AIFM1: variants seen among roughly 807,000 people sequenced by gnomAD.
AIFM1 encodes apoptosis inducing factor mitochondria associated 1, also known as apoptosis-inducing factor 1, mitochondrial.
Under a neutral mutation model 51.7 loss-of-function variants are expected in AIFM1, and 3 were observed. The ratio of observed to expected loss-of-function variants is 0.06; its 90% CI spans 0.03 to 0.15. The LOEUF (loss-of-function observed/expected upper bound fraction) is 0.15, where lower values mean the gene tolerates loss of function less well. Among genes scored for constraint, AIFM1 ranks in the 10% least tolerant of loss-of-function variants. The pLI is 1.00. For missense variants in AIFM1, 330 were observed against 476.8 expected, an observed-to-expected ratio of 0.69 and a Z score of 2.87; for synonymous variants, 178 against 179.4, an observed-to-expected ratio of 0.99 and a Z score of 0.06.
intron 1 of AIFM1, 97 bp from the exon 2 acceptor site, chrX:130,156,700 C>T: frequency 1.1e-6 from 1 of 938,385 alleles, no homozygotes; most frequent in Non-Finnish European, 1.5e-6. Context: ...AGACTTATTG[C>T]CCACAGATAT....
At chrX:130,137,537 C>T (rs2030397431) in intron 9 of AIFM1, 2 of 1,164,166 alleles carry the variant, frequency 1.7e-6, no homozygotes, top group Admixed American at 5.3e-5. Flanking sequence ...TGAAAAAGAA[C>T]ATTAAGAAAA....
At chrX:130,164,311 C>T (rs1204168119) in intron 1 of AIFM1, among the ~76,000 whole-genome samples, 1 of 112,533 alleles carries the variant, frequency 8.9e-6, no homozygotes, top group Non-Finnish European at 1.9e-5. Flanking sequence ...TTTTAAGTTC[C>T]AAGAGCAGTA....
intron 2 of AIFM1, among the ~76,000 whole-genome samples, chrX:130,153,847 T>A (rs1373589929): frequency 7.1e-5 from 8 of 112,053 alleles, no homozygotes; most frequent in Non-Finnish European, 1.9e-5. Context: ...TTCAGAACTA[T>A]GAGAAAATAA....
In AIFM1 at chrX:130,165,825, A is replaced by G. The variant is rs2031516719; in HGVS notation, c.-169T>C. ...TTGGACAGAGAAGCCGGCCTGCTAG[A>G]GCCGGGGAAGGGGAACGGCGACCGG... On this transcript the variant is annotated 5_prime_UTR_variant, in exon 1 of 16. Coordinates refer to ENST00000287295, the MANE Select transcript of AIFM1 (RefSeq NM_004208.4). The G allele has an allele frequency of 2.0e-6, 1 of 512,515 alleles. No homozygotes were observed. Among genetic ancestry groups the G allele is most frequent in the Admixed American group, 2.7e-5 (1 of 36,675 alleles). The allele number at this position is 512,515 out of a possible 1,213,427, so 42.2% of individuals were successfully genotyped here.
At chrX:130,145,804 ATC>A (rs2030730415) in intron 5 of AIFM1, among the ~76,000 whole-genome samples, 1 of 111,870 alleles carries the variant, frequency 8.9e-6, no homozygotes, top group African/African-American at 3.2e-5. Flanking sequence ...TCCAGAGACA[ATC>A]TGGGTTGTAA....
rs150821143 is a variant in AIFM1 at position 130,130,096 on chromosome X, C to T, written c.1644G>A (p.Pro548=). The T allele has an allele frequency of 2.4e-4, 285 of 1,209,955 alleles. No individual in the cohort carries two copies. Among genetic ancestry groups the T allele is most frequent in the Non-Finnish European group, 2.9e-4 (262 of 895,240 alleles). The change falls in exon 15 of 16, where the codon CCG becomes CCA. Residue 548 remains proline (P), a synonymous_variant. Transcript: ENST00000287295. Reference sequence around the variant, plus strand: ...CCTGGACGGGAGCCTGTGGAACTGCCGGGGTGCTGGGAGGAATAGTAATTT... The same window carrying T: ...CCTGGACGGGAGCCTGTGGAACTGCTGGGGTGCTGGGAGGAATAGTAATTT... The part of the protein sequence containing the change: ...ASEITIPPST[P]AVPQAPVQGE...
intron 1 of AIFM1, among the ~76,000 whole-genome samples, chrX:130,163,877 C>T (rs1022301146): frequency 1.5e-4 from 16 of 110,132 alleles, no homozygotes; most frequent in Admixed American, 1.9e-4. Context: ...AGGTTATCGC[C>T]GGGCGCGGTG....
chrX:130,159,310 GTTC>G (rs1265999990), intron 1 of AIFM1, among the ~76,000 whole-genome samples: 2 of 112,225 alleles, frequency 1.8e-5, no homozygotes, highest in Admixed American at 9.4e-5. Flanking sequence ...TTTCTTTACT[GTTC>G]TTCTTACCTG....
At chrX:130,141,114 T>TC (rs1392800523) in intron 6 of AIFM1, among the ~76,000 whole-genome samples, 3 of 111,071 alleles carry the variant, frequency 2.7e-5, no homozygotes, top group Non-Finnish European at 5.7e-5. Flanking sequence ...AGATTCTGTC[T>TC]CAAAAACAAA....
intron 1 of AIFM1, among the ~76,000 whole-genome samples, chrX:130,158,121 G>T (rs775038598): frequency 9.9e-6 from 1 of 100,873 alleles, no homozygotes; most frequent in Admixed American, 1.1e-4. Flanking sequence ...AAAATTAGCC[G>T]GGCGTGGTGG....
intron 12 of AIFM1, 116 bp downstream of exon 12, chrX:130,135,929 C>T: frequency 9.8e-7 from 1 of 1,015,912 alleles, no homozygotes; most frequent in South Asian, 1.9e-5. Flanking sequence ...CCTCAGCCTC[C>T]AAACACTCTG....
rs1265921984 is a variant in AIFM1 at position 130,140,516 on chromosome X, T to C, written c.781+17A>G. 1 of 1,187,554 alleles carries C rather than the reference T, an allele frequency of 8.4e-7. No homozygotes were observed. The highest frequency in any genetic ancestry group is 1.1e-6 in the Non-Finnish European group (1 of 873,646). On this transcript the variant is annotated intron_variant, in intron 7 of 15. Coordinates refer to ENST00000287295, the MANE Select transcript of AIFM1 (RefSeq NM_004208.4). The stretch of plus-strand genomic sequence containing the variant: ...TGAGCTGTATCAGGGAAGAAAGCCA[T>C]CTCCAGAAATGCTCACCTGTTGCAA...
chrX:130,130,775 T>C (rs184987162), intron 14 of AIFM1, among the ~76,000 whole-genome samples: 14 of 111,772 alleles, frequency 1.3e-4, no homozygotes, highest in East Asian at 1.1e-3. Flanking sequence ...GGAAAAACCA[T>C]AGTGGAGGCA....
intron 14 of AIFM1, among the ~76,000 whole-genome samples, chrX:130,130,713 G>A (rs1428895439): frequency 8.9e-6 from 1 of 112,164 alleles, no homozygotes. Flanking sequence ...AAGTTCTATT[G>A]GACAGTGCTA....
At chrX:130,165,527 G>T (rs1446933138) in intron 1 of AIFM1, 24 bp downstream of exon 1, 1 of 1,160,962 alleles carries the variant, frequency 8.6e-7, no homozygotes, top group Admixed American at 2.4e-5. Flanking sequence ...CGGACTTGGA[G>T]GTTGCCTGGA....
intron 6 of AIFM1, among the ~76,000 whole-genome samples, chrX:130,141,591 G>A (rs1017634667): frequency 2.7e-5 from 3 of 111,407 alleles, no homozygotes; most frequent in Non-Finnish European, 5.7e-5. Flanking sequence ...GGAGGTGTTG[G>A]CATTCTGCAA....
Position 130,133,098 on chromosome X carries a change from T to C in AIFM1, c.1448+215A>G, listed in dbSNP as rs113592554. On this transcript the variant is annotated intron_variant, in intron 13 of 15. Coordinates refer to ENST00000287295, the MANE Select transcript of AIFM1 (RefSeq NM_004208.4). ...CACTTAAAATAATTTTTTTCTCTTT[T>C]AATGTTTTACAAAAGGATCAGTTTG... Among the ~76,000 whole-genome samples, 529 of 111,908 alleles carry C rather than the reference T, an allele frequency of 4.7e-3. 5 individuals are homozygous for C. Among genetic ancestry groups the C allele is most frequent in the African/African-American group, 0.017 (510 of 30,787 alleles).
chrX:130,153,660 G>A (rs918857487), intron 2 of AIFM1, among the ~76,000 whole-genome samples: 3 of 110,625 alleles, frequency 2.7e-5, no homozygotes, highest in Non-Finnish European at 5.7e-5. Context: ...TAGAGCTGGA[G>A]CTCATACAGG....
intron 1 of AIFM1, 146 bp from the exon 2 acceptor site, chrX:130,156,749 CATAT>C: frequency 1.5e-6 from 1 of 665,970 alleles, no homozygotes; most frequent in Non-Finnish European, 2.3e-6. Context: ...ATCAAAACTG[CATAT>C]ATAAATACTA....
Sources: gnomAD v4.1 joint callset for allele counts (sites outside exome capture counted in the v4.1 genomes callset) on GRCh38, gnomAD v4.1.1 for gene constraint, MANE v1.5 for transcripts, NCBI Gene and HGNC (gene_info 2026-07-23, HGNC 2026-07-21) for gene names.